ASCC3: variants seen among roughly 807,000 people sequenced by gnomAD.
ASCC3 encodes activating signal cointegrator 1 complex subunit 3.
In ASCC3, 158 loss-of-function variants were observed where a neutral mutation model predicts 256.3. That is an observed-to-expected ratio of 0.62 (90% confidence interval 0.54 to 0.70). The LOEUF (loss-of-function observed/expected upper bound fraction) is 0.70, where lower values mean the gene tolerates loss of function less well. ASCC3 is among the 30% of genes least tolerant of loss of function. The probability of loss-of-function intolerance (pLI) is 0.00; values close to 1 mark genes in which losing one functional copy is unlikely to be tolerated. For missense variants in ASCC3, 2,259 were observed against 2,626.0 expected, an observed-to-expected ratio of 0.86 and a Z score of 3.05; for synonymous variants, 948 against 883.4, an observed-to-expected ratio of 1.07 and a Z score of -1.30.
chr6:100,622,356 G>A (rs139776082), intron 30 of ASCC3, among the ~76,000 whole-genome samples: 15 of 152,200 alleles, frequency 9.9e-5, no homozygotes, highest in Admixed American at 2.6e-4. Flanking sequence ...AGATCTGATC[G>A]TTTTATACCG....
Position 100,631,064 on chromosome 6 carries a change from C to A in ASCC3, c.4208+64G>T, listed in dbSNP as rs1774516886. The A allele has an allele frequency of 5.9e-6, 7 of 1,188,204 alleles. No individual in the cohort carries two copies. In the Middle Eastern group the frequency reaches 7.7e-4, roughly 130 times the overall value. The allele number at this position is 1,188,204 out of a possible 1,614,324, so 73.6% of individuals were successfully genotyped here. A position where few individuals can be genotyped will look rare whatever the true frequency, so the allele number is the denominator to read the frequency against. ...AAAACCATTCAACAGTTTTATTCAA[C>A]TCTTATTTCCTGGTCCTTTTAGTCA... On this transcript the variant is annotated intron_variant, in intron 26 of 41. Coordinates refer to ENST00000369162, the MANE Select transcript of ASCC3 (RefSeq NM_006828.4).
rs187482475 is a variant in ASCC3, at chr6:100,723,751, T to C, written c.1902+1788A>G. Among the ~76,000 whole-genome samples the C allele has an allele frequency of 3.4e-3, 516 of 150,238 alleles. 1 individual carries two copies. The highest frequency in any genetic ancestry group is 3.1e-3 in the Non-Finnish European group (207 of 67,402). On this transcript the variant is annotated intron_variant, in intron 11 of 41. Coordinates refer to ENST00000369162, the MANE Select transcript of ASCC3 (RefSeq NM_006828.4). The stretch of plus-strand genomic sequence containing the variant: ...GATTATGATATCGTATCTAGGTATA[T>C]AGGGAAGATGACAAGAGTTCTGACA...
At position 100,680,165 on chromosome 6, in the gene ASCC3, A is replaced by G. The variant is rs375309288; in HGVS notation, c.2152-413T>C. Among the ~76,000 whole-genome samples the G allele has an allele frequency of 2.0e-5, 3 of 152,210 alleles. No homozygotes were observed. In the East Asian group the frequency reaches 5.8e-4, roughly 29 times the overall value. On this transcript the variant is annotated intron_variant, in intron 13 of 41. Coordinates refer to ENST00000369162, the MANE Select transcript of ASCC3 (RefSeq NM_006828.4). ...AACAATAGAGAAAACTCTTCCTTGG[A>G]CAAAATCATGTCTAAGAACAATCAC...
intron 8 of ASCC3, among the ~76,000 whole-genome samples, chr6:100,794,920 A>G (rs1389262499): frequency 6.6e-6 from 1 of 152,118 alleles, no homozygotes; most frequent in Non-Finnish European, 1.5e-5. Flanking sequence ...CACCAAAAAT[A>G]TCAAAGACAT....
intron 4 of ASCC3, among the ~76,000 whole-genome samples, chr6:100,842,327 A>G (rs1772182562): frequency 6.6e-6 from 1 of 151,910 alleles, no homozygotes. Context: ...GAGGTTCTCA[A>G]AGTGTGAGCC....
intron 13 of ASCC3, among the ~76,000 whole-genome samples, chr6:100,685,469 CAGT>C (rs1223541961): frequency 3.9e-5 from 6 of 152,192 alleles, no homozygotes; most frequent in Non-Finnish European, 5.9e-5. Context: ...GCAGCAGCAG[CAGT>C]GTCCCTGAGT....
intron 2 of ASCC3, 93 bp from the exon 3 acceptor site, chr6:100,864,307 T>G: frequency 8.8e-7 from 1 of 1,130,254 alleles, no homozygotes; most frequent in Non-Finnish European, 1.3e-6. Context: ...ATTATACAAC[T>G]TGGTACTACC....
chr6:100,797,877 T>C (rs1408659867), intron 8 of ASCC3, among the ~76,000 whole-genome samples: 1 of 152,164 alleles, frequency 6.6e-6, no homozygotes, highest in Admixed American at 6.6e-5. Flanking sequence ...GATAAACTGA[T>C]GCTGCAGAAA....
At position 100,848,313 on chromosome 6, in the gene ASCC3, G is replaced by C. The variant is rs1489152821; in HGVS notation, c.636C>G (p.Leu212=). 5 of 1,614,038 alleles carry C rather than the reference G, an allele frequency of 3.1e-6. No homozygotes were observed. Among genetic ancestry groups the C allele is most frequent in the East Asian group, 4.5e-5 (2 of 44,868 alleles). The change falls in exon 4 of 42, where the codon CTC becomes CTG. Residue 212 remains leucine (L), a synonymous_variant. Transcript: ENST00000369162. ...EHLQEACTPE[L]KPVEKTNGSF... ...AGCCATTTGTTTTTTCCACAGGCTT[G>C]AGTTCTGGGGTGCAAGCCTCCTGGA...
chr6:100,799,712 T>C, intron 6 of ASCC3, 140 bp from the exon 7 acceptor site: 1 of 873,692 alleles, frequency 1.1e-6, no homozygotes, highest in Non-Finnish European at 1.7e-6. Context: ...AGGAAGATTT[T>C]AGGAATCCTG....
chr6:100,522,232 C>T (rs868290775), intron 37 of ASCC3, among the ~76,000 whole-genome samples: 1 of 152,030 alleles, frequency 6.6e-6, no homozygotes, highest in African/African-American at 2.4e-5. Context: ...GTGACACTTT[C>T]TTCTACAAAG....
chr6:100,717,726 T>G (rs779674529), intron 12 of ASCC3, among the ~76,000 whole-genome samples: 1 of 152,136 alleles, frequency 6.6e-6, no homozygotes, highest in Non-Finnish European at 1.5e-5. Context: ...ATATATTACT[T>G]GTTTAATTGG....
chr6:100,514,536 T>C (rs1026579360), intron 39 of ASCC3, among the ~76,000 whole-genome samples: 2 of 152,130 alleles, frequency 1.3e-5, no homozygotes, highest in African/African-American at 2.4e-5. Context: ...CTGGCTTTTA[T>C]ATATATGTAA....
chr6:100,574,989 A>G (rs1282805454), intron 36 of ASCC3, among the ~76,000 whole-genome samples: 1 of 152,038 alleles, frequency 6.6e-6, no homozygotes, highest in Non-Finnish European at 1.5e-5. Context: ...GTGCCTCTCC[A>G]AAAGATGCCA....
In ASCC3 at chr6:100,880,251, A is replaced by C. The variant is rs140483264; in HGVS notation, c.-42+810T>G. ...GGAGCACAATCCATAGTAAAACCAA[A>C]AGCTTAATTCTCAACATTTGAGAAC... On this transcript the variant is annotated intron_variant, in intron 1 of 41. Transcript: ENST00000369162. Among the ~76,000 whole-genome samples the C allele has an allele frequency of 3.3e-3, 505 of 152,326 alleles. 3 individuals are homozygous for C. The highest frequency in any genetic ancestry group is 0.012 in the African/African-American group (481 of 41,574).
chr6:100,528,274 A>C (rs1023849147), intron 37 of ASCC3, among the ~76,000 whole-genome samples: 2 of 152,220 alleles, frequency 1.3e-5, no homozygotes, highest in Non-Finnish European at 2.9e-5. Context: ...AGTTTATCAG[A>C]AGTTGTTACA....
At chr6:100,575,387 G>T (rs1381144287) in intron 36 of ASCC3, among the ~76,000 whole-genome samples, 1 of 151,858 alleles carries the variant, frequency 6.6e-6, no homozygotes, top group Non-Finnish European at 1.5e-5. Context: ...TTATAGTTGT[G>T]CCTCAAACAC....
At chr6:100,732,465 A>G (rs1443138375) in intron 10 of ASCC3, among the ~76,000 whole-genome samples, 1 of 152,204 alleles carries the variant, frequency 6.6e-6, no homozygotes, top group East Asian at 1.9e-4. Context: ...AATGACCGTT[A>G]ATTAAGAAAT....
intron 36 of ASCC3, among the ~76,000 whole-genome samples, chr6:100,572,119 C>T (rs1014651584): frequency 1.3e-5 from 2 of 152,110 alleles, no homozygotes; most frequent in Non-Finnish European, 2.9e-5. Flanking sequence ...TATCCCCCCC[C>T]ATTAATATGT....
Sources: gnomAD v4.1 joint callset for allele counts (sites outside exome capture counted in the v4.1 genomes callset) on GRCh38, gnomAD v4.1.1 for gene constraint, MANE v1.5 for transcripts, NCBI Gene and HGNC (gene_info 2026-07-23, HGNC 2026-07-21) for gene names.